KLHL7: variants seen among roughly 807,000 people sequenced by gnomAD.
KLHL7 encodes kelch-like protein 7.
KLHL7 carries 44 observed loss-of-function variants against 67.4 expected under a neutral mutation model. The observed-to-expected ratio is 0.65, with a 90% CI of 0.51 to 0.84. The LOEUF (loss-of-function observed/expected upper bound fraction) is 0.84. KLHL7 is among the 40% of genes least tolerant of loss of function. The pLI is 0.00. For missense variants in KLHL7, 362 were observed against 718.1 expected (o/e 0.50, Z 5.67); for synonymous variants, 252 against 243.3 (o/e 1.04, Z -0.33).
intron 6 of KLHL7, among the ~76,000 whole-genome samples, chr7:23,149,520 T>C (rs1218289606): frequency 2.0e-5 from 3 of 152,308 alleles, no homozygotes; most frequent in Non-Finnish European, 4.4e-5. Context: ...GAGCAGTGGC[T>C]CTCAAACCCC....
chr7:23,106,144 C>G lies in KLHL7; in HGVS notation c.118C>G (p.Gln40Glu). The G allele has an allele frequency of 6.2e-7, 1 of 1,609,938 alleles. No individual in the cohort carries two copies. Among genetic ancestry groups the G allele is most frequent in the East Asian group, 2.2e-5 (1 of 44,732 alleles). Residue 40 changes from glutamine to glutamate, a missense_variant and splice_region_variant, in exon 1 of 11, where the codon CAG becomes GAG. By Grantham distance (29) the Gln-to-Glu change is conservative (BLOSUM62 2). This residue lies in a region of KLHL7 where 57 missense variants were observed against 81.7 expected (regional missense o/e 0.70). Transcript: ENST00000339077. ...FMGVMNNMRK[Q>E]KTLCDVILMV... ...GGGCGTCATGAATAACATGCGGAAA[C>G]AGGTACCGCCTCTGTGGGAGTGACG...
chr7:23,158,750 A>G (rs6949272), intron 7 of KLHL7, among the ~76,000 whole-genome samples: 140,867 of 152,246 alleles, frequency 0.93, 65,349 homozygotes, highest in East Asian at 0.99. Flanking sequence ...AGGTGTACAC[A>G]TAAGCACACA....
chr7:23,105,992 C>T lies in KLHL7; in HGVS notation c.-35C>T. 1.9e-6 allele frequency: 3 copies of T among 1,601,354 alleles called. No homozygotes were observed. The highest frequency in any genetic ancestry group is 2.6e-6 in the Non-Finnish European group (3 of 1,175,922). On this transcript the variant is annotated 5_prime_UTR_variant, in exon 1 of 11. Coordinates refer to ENST00000339077, the MANE Select transcript of KLHL7 (RefSeq NM_001031710.3). ...AGAGAGTGCGACCCCTCGCCCGGCC[C>T]GGCGAGCCCCGGGCGTGAACCGAGC...
intron 1 of KLHL7, among the ~76,000 whole-genome samples, chr7:23,113,061 G>A (rs1345636255): frequency 6.6e-6 from 1 of 151,992 alleles, no homozygotes; most frequent in Non-Finnish European, 1.5e-5. Flanking sequence ...GGAAGAAAGA[G>A]GGGATTGATA....
intron 4 of KLHL7, among the ~76,000 whole-genome samples, chr7:23,139,605 C>T (rs1449071003): frequency 6.6e-6 from 1 of 152,190 alleles, no homozygotes; most frequent in Non-Finnish European, 1.5e-5. Flanking sequence ...AGTTGGTTAA[C>T]AAGCATCAGC....
intron 7 of KLHL7, among the ~76,000 whole-genome samples, chr7:23,162,086 A>G (rs1784869753): frequency 6.6e-6 from 1 of 152,216 alleles, no homozygotes; most frequent in Non-Finnish European, 1.5e-5. Flanking sequence ...TGCTAGAAAC[A>G]CAACAGTGAC....
intron 6 of KLHL7, among the ~76,000 whole-genome samples, chr7:23,149,173 C>A (rs1784454628): frequency 1.3e-5 from 2 of 152,186 alleles, no homozygotes; most frequent in South Asian, 4.1e-4. Context: ...AGGCCAACTT[C>A]TTACTGAAAA....
chr7:23,154,247 C>T (rs927654817), intron 7 of KLHL7, among the ~76,000 whole-genome samples: 21 of 152,048 alleles, frequency 1.4e-4, no homozygotes, highest in Non-Finnish European at 2.5e-4. Context: ...GTCAGCTACT[C>T]GGGAGGCTGA....
At chr7:23,128,116 G>A (rs999538531) in intron 4 of KLHL7, among the ~76,000 whole-genome samples, 28 of 146,826 alleles carry the variant, frequency 1.9e-4, no homozygotes, top group African/African-American at 7.3e-4. Context: ...CTGGACTACA[G>A]AGTGAGACTC....
intron 1 of KLHL7, among the ~76,000 whole-genome samples, chr7:23,107,819 TC>T (rs1250567092): frequency 6.6e-6 from 1 of 152,232 alleles, no homozygotes; most frequent in Non-Finnish European, 1.5e-5. Flanking sequence ...CAAACAGTTC[TC>T]CAATAGCACT....
chr7:23,172,808 C>T (rs1028472483), intron 9 of KLHL7, 140 bp from the exon 10 acceptor site: 2 of 648,344 alleles, frequency 3.1e-6, no homozygotes, highest in Admixed American at 2.4e-5. Context: ...TTGTTTTCTA[C>T]CCTTCTAGAC....
chr7:23,174,026 A>G lies in KLHL7; in HGVS notation c.1489A>G (p.Asn497Asp). The change falls in exon 11 of 11, where the codon AAT becomes GAT. Residue 497 changes from asparagine (N) to aspartate (D), a missense_variant. Physicochemically the swap from Asn to Asp is conservative, Grantham distance 23. This residue lies in a region of KLHL7 where 136 missense variants were observed against 252.7 expected (regional missense o/e 0.54). Coordinates refer to ENST00000339077, the MANE Select transcript of KLHL7 (RefSeq NM_001031710.3). ...GGQNGLGGLDNVEYYDIKLNE... is the reference protein window; with the variant it reads ...GGQNGLGGLDDVEYYDIKLNE... ...TTATTCTTTTGAAGGTGGTCTGGACAATGTGGAATATTACGATATTAAGTT... is the reference window on the plus strand; with the variant it reads ...TTATTCTTTTGAAGGTGGTCTGGACGATGTGGAATATTACGATATTAAGTT... 6.2e-7 allele frequency: 1 copy of G among 1,614,122 alleles called. No individual in the cohort carries two copies. Among genetic ancestry groups the G allele is most frequent in the Non-Finnish European group, 8.5e-7 (1 of 1,179,960 alleles).
In KLHL7 at chr7:23,167,966, T is replaced by C; in HGVS notation, c.1308T>C (p.Gly436=). 2 of 1,614,206 alleles carry C rather than the reference T, an allele frequency of 1.2e-6. No homozygotes were observed. Among genetic ancestry groups the C allele is most frequent in the East Asian group, 2.2e-5 (1 of 44,888 alleles). Residue 436 remains glycine (G), a synonymous_variant, in exon 9 of 11, where the codon GGT becomes GGC. Transcript: ENST00000339077. ...VEANGLIYVC[G]GSLGNNVSGR... ...CCAATGGCCTAATCTATGTTTGTGG[T>C]GGAAGTTTAGGAAACAATGTTTCTG...
chr7:23,108,219 C>T (rs970862325), intron 1 of KLHL7, among the ~76,000 whole-genome samples: 5 of 152,190 alleles, frequency 3.3e-5, no homozygotes, highest in Non-Finnish European at 5.9e-5. Flanking sequence ...TAGCATACCT[C>T]AGTTCCAATC....
At chr7:23,141,716 G>A (rs1468671160) in intron 5 of KLHL7, among the ~76,000 whole-genome samples, 6 of 152,016 alleles carry the variant, frequency 3.9e-5, no homozygotes, top group African/African-American at 1.2e-4. Flanking sequence ...TCCTTCTCCC[G>A]AGTTCACGCC....
chr7:23,171,715 T>C (rs1583740023), intron 9 of KLHL7, among the ~76,000 whole-genome samples: 1 of 152,226 alleles, frequency 6.6e-6, no homozygotes, highest in East Asian at 1.9e-4. Flanking sequence ...CATCAAATTG[T>C]TTTTTGTTTT....
intron 4 of KLHL7, among the ~76,000 whole-genome samples, chr7:23,133,588 C>A (rs927480857): frequency 4.6e-5 from 7 of 151,972 alleles, no homozygotes; most frequent in Non-Finnish European, 7.4e-5. Context: ...CATGCCACCA[C>A]ACCTGACTAA....
intron 4 of KLHL7, among the ~76,000 whole-genome samples, chr7:23,135,367 A>AG (rs1783941394): frequency 6.6e-6 from 1 of 152,152 alleles, no homozygotes. Flanking sequence ...TCTATCCTTG[A>AG]GAATGATCCA....
At chr7:23,138,886 A>G (rs1292288489) in intron 4 of KLHL7, among the ~76,000 whole-genome samples, 1 of 152,048 alleles carries the variant, frequency 6.6e-6, no homozygotes, top group African/African-American at 2.4e-5. Flanking sequence ...AATTCTATCA[A>G]CCTTTCAAAG....
Sources: allele counts gnomAD v4.1 joint callset (sites outside exome capture counted in the v4.1 genomes callset), GRCh38; gene constraint gnomAD v4.1.1; regional missense constraint gnomAD v4.1.1; transcripts MANE v1.5; gene names NCBI Gene and HGNC (gene_info 2026-07-23, HGNC 2026-07-21).